The following TACR3 variants were observed in gnomAD, a reference collection of about 807,000 sequenced individuals.
TACR3 encodes tachykinin receptor 3, also known as neuromedin-K receptor.
In TACR3, 34 loss-of-function variants were observed where a neutral mutation model predicts 35.0. The observed-to-expected ratio is 0.97, with a 90% CI of 0.74 to 1.30. The LOEUF (loss-of-function observed/expected upper bound fraction) is 1.30. Ranked by LOEUF, TACR3 falls within the 50% of genes most tolerant of loss-of-function variation. TACR3 has a pLI of 0.00. For missense variants in TACR3, 558 were observed against 591.7 expected, an observed-to-expected ratio of 0.94 and a Z score of 0.59; for synonymous variants, 233 against 221.1, an observed-to-expected ratio of 1.05 and a Z score of -0.48.
chr4:103,683,131 C>T (rs1722137897), intron 1 of TACR3, among the ~76,000 whole-genome samples: 1 of 151,938 alleles, frequency 6.6e-6, no homozygotes, highest in South Asian at 2.1e-4. Context: ...AAAAAGTCTA[C>T]AGAAATCTAG....
intron 3 of TACR3, among the ~76,000 whole-genome samples, chr4:103,625,070 G>A (rs1271053022): frequency 2.0e-5 from 3 of 152,096 alleles, no homozygotes; most frequent in Non-Finnish European, 4.4e-5. Context: ...CAGAAGAAAT[G>A]TTGAAAGGAA....
intron 1 of TACR3, among the ~76,000 whole-genome samples, chr4:103,707,261 A>T (rs1722816024): frequency 6.6e-6 from 1 of 152,072 alleles, no homozygotes; most frequent in Non-Finnish European, 1.5e-5. Context: ...AATATTACTA[A>T]TTTTACATAC....
chr4:103,704,217 G>A (rs969070344), intron 1 of TACR3, among the ~76,000 whole-genome samples: 2 of 151,338 alleles, frequency 1.3e-5, no homozygotes, highest in African/African-American at 4.9e-5. Flanking sequence ...GAATACAATA[G>A]GCTTCACAAA....
chr4:103,667,571 A>G (rs1003134397), intron 1 of TACR3, among the ~76,000 whole-genome samples: 2 of 152,176 alleles, frequency 1.3e-5, no homozygotes, highest in Non-Finnish European at 2.9e-5. Flanking sequence ...TACACATTAT[A>G]TGCTTTTATC....
intron 1 of TACR3, among the ~76,000 whole-genome samples, chr4:103,700,116 T>C (rs565613271): frequency 6.6e-6 from 1 of 152,238 alleles, no homozygotes; most frequent in South Asian, 2.1e-4. Flanking sequence ...TAATCACAGG[T>C]ACTCCTGGAT....
intron 3 of TACR3, among the ~76,000 whole-genome samples, chr4:103,644,223 G>A (rs1225514212): frequency 6.6e-6 from 1 of 151,676 alleles, no homozygotes; most frequent in Admixed American, 6.6e-5. Context: ...GTCGTACCAT[G>A]AGGTGGGGTA....
In TACR3 at chr4:103,646,590, T is replaced by C. The variant is rs181484820; in HGVS notation, c.888+9604A>G. 6.6e-5 allele frequency among the ~76,000 whole-genome samples: 10 copies of C among 152,124 alleles called. No individual in the cohort carries two copies. In the East Asian group the frequency reaches 1.7e-3, roughly 26 times the overall value. ...TGTTGTACAAGGCCAGTGTTGTAGATAGTTACTCCAAGATGTCAGTAGGGA... is the reference window on the plus strand; with the variant it reads ...TGTTGTACAAGGCCAGTGTTGTAGACAGTTACTCCAAGATGTCAGTAGGGA... On this transcript the variant is annotated intron_variant, in intron 3 of 4. Transcript: ENST00000304883.
chr4:103,680,420 T>G (rs948646223), intron 1 of TACR3, among the ~76,000 whole-genome samples: 1 of 150,774 alleles, frequency 6.6e-6, no homozygotes, highest in Admixed American at 6.6e-5. Context: ...GAAACCAGTA[T>G]GGAAATTTGC....
chr4:103,593,430 G>A (rs993107237), intron 3 of TACR3: 5 of 152,080 alleles, frequency 3.3e-5, no homozygotes, highest in Admixed American at 3.3e-4. Flanking sequence ...GCATTGAAAT[G>A]TGGTGAGTAT....
intron 3 of TACR3, among the ~76,000 whole-genome samples, chr4:103,609,073 T>C (rs1008762048): frequency 6.6e-6 from 1 of 152,126 alleles, no homozygotes; most frequent in Non-Finnish European, 1.5e-5. Context: ...TGCTCAGAAA[T>C]TGGGCTGCCT....
rs750811762 is a variant in TACR3, at chr4:103,589,604, G to A, written c.*78C>T. On this transcript the variant is annotated 3_prime_UTR_variant, in exon 5 of 5. Transcript: ENST00000304883. ...TGTTTCTAGAGGGTATATAGGACAGGACTGGTAAATAGGAGAATGGGGTCC... is the reference window on the plus strand; with the variant it reads ...TGTTTCTAGAGGGTATATAGGACAGAACTGGTAAATAGGAGAATGGGGTCC... The A allele has an allele frequency of 1.4e-5, 21 of 1,547,336 alleles. No individual in the cohort carries two copies. Among genetic ancestry groups the A allele is most frequent in the Non-Finnish European group, 1.8e-5 (20 of 1,123,028 alleles).
At chr4:103,629,281 T>G (rs1243297667) in intron 3 of TACR3, among the ~76,000 whole-genome samples, 2 of 152,170 alleles carry the variant, frequency 1.3e-5, no homozygotes, top group East Asian at 3.9e-4. Context: ...TGTTGGAAGT[T>G]CTGGACAGGG....
intron 1 of TACR3, among the ~76,000 whole-genome samples, chr4:103,693,441 T>G (rs569644129): frequency 6.6e-6 from 1 of 152,296 alleles, no homozygotes; most frequent in Admixed American, 6.5e-5. Flanking sequence ...TGATTTCTAT[T>G]TCCTCCAGCA....
In TACR3 at chr4:103,630,304, A is replaced by G. The variant is rs536713381; in HGVS notation, c.888+25890T>C. Reference sequence around the variant, plus strand: ...CAAGGACTTCATGAATAAAACACCAAAAGCAATGGCAACAAAAGCCAAAAT... The same window carrying G: ...CAAGGACTTCATGAATAAAACACCAGAAGCAATGGCAACAAAAGCCAAAAT... On this transcript the variant is annotated intron_variant, in intron 3 of 4. Transcript: ENST00000304883. Among the ~76,000 whole-genome samples the G allele has an allele frequency of 7.2e-5, 11 of 152,246 alleles. No homozygotes were observed. The East Asian group carries it at 2.1e-3, about 29-fold the overall frequency.
chr4:103,683,779 T>C (rs1009624602), intron 1 of TACR3, among the ~76,000 whole-genome samples: 3 of 149,788 alleles, frequency 2.0e-5, no homozygotes, highest in Non-Finnish European at 3.0e-5. Flanking sequence ...AATTGAAAAG[T>C]AGAGAACACT....
chr4:103,644,639 C>T, intron 3 of TACR3, among the ~76,000 whole-genome samples: 1 of 151,620 alleles, frequency 6.6e-6, no homozygotes, highest in East Asian at 1.9e-4. Flanking sequence ...TAATACATAA[C>T]AGAAATTTAA....
At chr4:103,717,385 G>T (rs1723112486) in intron 1 of TACR3, among the ~76,000 whole-genome samples, 1 of 151,806 alleles carries the variant, frequency 6.6e-6, no homozygotes, top group Non-Finnish European at 1.5e-5. Context: ...TTTACACAAA[G>T]AAATAGTAAA....
In TACR3 at chr4:103,607,664, G is replaced by T. The variant is rs185979696; in HGVS notation, c.889-15981C>A. 3.9e-5 allele frequency among the ~76,000 whole-genome samples: 6 copies of T among 152,050 alleles called. No individual in the cohort carries two copies. The East Asian group carries it at 1.2e-3, about 29-fold the overall frequency. On this transcript the variant is annotated intron_variant, in intron 3 of 4. Transcript: ENST00000304883. Reference sequence around the variant, plus strand: ...TTAGATTGAACATATAGAGAATATTGACTTCAAATATACATTTTAGATGAT... The same window carrying T: ...TTAGATTGAACATATAGAGAATATTTACTTCAAATATACATTTTAGATGAT...
chr4:103,638,582 T>G (rs988874564), intron 3 of TACR3, among the ~76,000 whole-genome samples: 10 of 151,930 alleles, frequency 6.6e-5, no homozygotes, highest in African/African-American at 2.4e-4. Flanking sequence ...AACCCAAAAT[T>G]GACAAATGGG....
Sources: allele counts gnomAD v4.1 joint callset (sites outside exome capture counted in the v4.1 genomes callset), GRCh38; gene constraint gnomAD v4.1.1; transcripts MANE v1.5; gene names NCBI Gene and HGNC (gene_info 2026-07-23, HGNC 2026-07-21).